Variants in MAP3K20 observed in about 807,000 individuals in gnomAD.
MAP3K20 encodes the protein HCCS-4.
In MAP3K20, 40 loss-of-function variants were observed where a neutral mutation model predicts 85.7. The observed-to-expected ratio is 0.47, with a 90% CI of 0.36 to 0.61. The LOEUF (loss-of-function observed/expected upper bound fraction) is 0.61. Ranked by LOEUF, MAP3K20 falls within the 20% of genes least tolerant of loss-of-function variation. The pLI is 0.00. For missense variants in MAP3K20, 817 were observed against 961.7 expected, an observed-to-expected ratio of 0.85 and a Z score of 1.99; for synonymous variants, 325 against 327.7, an observed-to-expected ratio of 0.99 and a Z score of 0.09.
intron 5 of MAP3K20, among the ~76,000 whole-genome samples, chr2:173,190,482 GAATA>G (rs1243732845): frequency 6.6e-6 from 1 of 152,182 alleles, no homozygotes; most frequent in East Asian, 1.9e-4. Context: ...GTGAATGAAT[GAATA>G]TTCTCTCCAC....
chr2:173,144,840 A>T (rs1559250980), intron 2 of MAP3K20, among the ~76,000 whole-genome samples: 1 of 152,242 alleles, frequency 6.6e-6, no homozygotes, highest in Non-Finnish European at 1.5e-5. Flanking sequence ...TGATTTCAAG[A>T]CTTAATCCAA....
At chr2:173,236,593 C>A (rs548952281) in intron 14 of MAP3K20, among the ~76,000 whole-genome samples, 1 of 152,218 alleles carries the variant, frequency 6.6e-6, no homozygotes, top group East Asian at 1.9e-4. Flanking sequence ...GTGTGGAATG[C>A]GGACCCCTCC....
intron 11 of MAP3K20, chr2:173,221,433 T>A: frequency 6.2e-7 from 1 of 1,614,084 alleles, no homozygotes; most frequent in Non-Finnish European, 8.5e-7. Context: ...AAAGTCAACA[T>A]GGCTCTGGGG....
chr2:173,239,380 T>G, intron 15 of MAP3K20, 24 bp from the exon 16 acceptor site: 1 of 1,578,826 alleles, frequency 6.3e-7, no homozygotes, highest in Non-Finnish European at 8.6e-7. Flanking sequence ...TCTAGAATAA[T>G]TGGTGCTTGG....
intron 16 of MAP3K20, among the ~76,000 whole-genome samples, chr2:173,256,526 TAGATAGAC>T (rs1484461038): frequency 1.8e-4 from 18 of 101,520 alleles, no homozygotes; most frequent in African/African-American, 6.1e-4. Context: ...GATAGATAGA[TAGATAGAC>T]AGACAGACAG....
intron 14 of MAP3K20, among the ~76,000 whole-genome samples, chr2:173,236,563 A>T (rs2106334998): frequency 6.6e-6 from 1 of 152,194 alleles, no homozygotes; most frequent in African/African-American, 2.4e-5. Context: ...ACAGTCATTC[A>T]CAGAGGGGCA....
intron 3 of MAP3K20, 56 bp downstream of exon 3, chr2:173,169,948 T>A (rs1689951277): frequency 1.3e-6 from 2 of 1,488,908 alleles, no homozygotes; most frequent in African/African-American, 2.8e-5. Flanking sequence ...TTTAGATTCC[T>A]TAATATGCTA....
chr2:173,167,132 G>C (rs1441846642), intron 2 of MAP3K20, among the ~76,000 whole-genome samples: 1 of 151,700 alleles, frequency 6.6e-6, no homozygotes, highest in East Asian at 1.9e-4. Flanking sequence ...AGCCAGGATG[G>C]TCTCGACCTC....
intron 2 of MAP3K20, among the ~76,000 whole-genome samples, chr2:173,106,488 A>G (rs1178539665): frequency 1.3e-5 from 2 of 152,202 alleles, no homozygotes; most frequent in Non-Finnish European, 2.9e-5. Context: ...GTCTATATTG[A>G]AAAAATTGAG....
intron 1 of MAP3K20, among the ~76,000 whole-genome samples, chr2:173,083,907 A>G (rs911338494): frequency 7.2e-5 from 11 of 152,190 alleles, no homozygotes; most frequent in Non-Finnish European, 7.3e-5. Context: ...TATATTGTAT[A>G]AAAAGTAAAC....
intron 16 of MAP3K20, among the ~76,000 whole-genome samples, chr2:173,250,516 T>C (rs1255906520): frequency 6.6e-6 from 1 of 152,234 alleles, no homozygotes; most frequent in Non-Finnish European, 1.5e-5. Flanking sequence ...TTTTATATAC[T>C]GGCAGTGTCA....
chr2:173,097,309 T>C (rs1402394695), intron 2 of MAP3K20, among the ~76,000 whole-genome samples: 1 of 152,208 alleles, frequency 6.6e-6, no homozygotes, highest in East Asian at 1.9e-4. Context: ...TGAGCCAAGA[T>C]GGTGCCAGTG....
chr2:173,242,625 T>C (rs1415723068), intron 16 of MAP3K20, among the ~76,000 whole-genome samples: 1 of 151,848 alleles, frequency 6.6e-6, no homozygotes, highest in Non-Finnish European at 1.5e-5. Context: ...AGTCATAGAT[T>C]ATCTACAAGC....
intron 2 of MAP3K20, among the ~76,000 whole-genome samples, chr2:173,105,226 A>G (rs539896365): frequency 6.6e-6 from 1 of 152,310 alleles, no homozygotes; most frequent in East Asian, 1.9e-4. Context: ...AATCTCAGTG[A>G]GAGATGCTTG....
At chr2:173,256,510 T>TAGACAGACAGACAGAC (rs1388571788) in intron 16 of MAP3K20, among the ~76,000 whole-genome samples, 58 of 130,226 alleles carry the variant, frequency 4.5e-4, no homozygotes, top group African/African-American at 1.5e-3. Flanking sequence ...GATAGATAGA[T>TAGACAGACAGACAGAC]AGATAGATAG....
At chr2:173,166,598 C>T (rs941537506) in intron 2 of MAP3K20, 1 of 150,044 alleles carries the variant, frequency 6.7e-6, no homozygotes, top group Non-Finnish European at 1.5e-5. Flanking sequence ...ACCAATTTTT[C>T]AATTAAACAA....
At chr2:173,208,033 T>A (rs1167595488) in intron 9 of MAP3K20, among the ~76,000 whole-genome samples, 10 of 152,290 alleles carry the variant, frequency 6.6e-5, no homozygotes. Flanking sequence ...AAAAATTCAT[T>A]AGCTCTTCCT....
chr2:173,235,947 A>T (rs1009595609), intron 14 of MAP3K20, among the ~76,000 whole-genome samples: 1 of 152,116 alleles, frequency 6.6e-6, no homozygotes, highest in Admixed American at 6.6e-5. Flanking sequence ...ACGTTGGAAA[A>T]GCTTTAAGAT....
intron 2 of MAP3K20, among the ~76,000 whole-genome samples, chr2:173,121,935 A>G (rs1688306403): frequency 6.6e-6 from 1 of 152,186 alleles, no homozygotes; most frequent in Non-Finnish European, 1.5e-5. Context: ...TCATGGCCCC[A>G]TTGAGTAAGC....
Sources: gnomAD v4.1 joint callset for allele counts (sites outside exome capture counted in the v4.1 genomes callset) on GRCh38, gnomAD v4.1.1 for gene constraint, MANE v1.5 for transcripts, NCBI Gene and HGNC (gene_info 2026-07-23, HGNC 2026-07-21) for gene names.